The following STRN variants were observed in gnomAD, a reference collection of about 807,000 sequenced individuals.
The protein encoded by STRN is protein phosphatase 2 regulatory subunit B'''alpha.
In STRN, 53 loss-of-function variants were observed where a neutral mutation model predicts 96.3. That is an observed-to-expected ratio of 0.55 (90% CI 0.44 to 0.69). The LOEUF is 0.69. Ranked by LOEUF, STRN falls within the 30% of genes least tolerant of loss-of-function variation. The probability of loss-of-function intolerance (pLI) is 0.00; values close to 1 mark genes in which losing one functional copy is unlikely to be tolerated. For missense variants in STRN, 987 were observed against 963.9 expected, an observed-to-expected ratio of 1.02 and a Z score of -0.32; for synonymous variants, 428 against 355.9, an observed-to-expected ratio of 1.20 and a Z score of -2.28.
chr2:36,935,613 T>G (rs1385851487), intron 1 of STRN, among the ~76,000 whole-genome samples: 2 of 152,236 alleles, frequency 1.3e-5, no homozygotes, highest in Non-Finnish European at 2.9e-5. Flanking sequence ...GCCTACTAAG[T>G]GCTTCCCACT....
chr2:36,877,151 A>C (rs1258709171), intron 10 of STRN, among the ~76,000 whole-genome samples: 2 of 152,222 alleles, frequency 1.3e-5, no homozygotes, highest in Non-Finnish European at 2.9e-5. Flanking sequence ...GGTCAGCCTT[A>C]ACATCTGGAA....
intron 8 of STRN, 41 bp downstream of exon 8, chr2:36,886,674 AG>A: frequency 6.8e-7 from 1 of 1,476,630 alleles, no homozygotes; most frequent in Non-Finnish European, 9.2e-7. Flanking sequence ...GGATGTAAAG[AG>A]GCAAGATTTA....
At chr2:36,966,111 G>C in intron 1 of STRN, 119 bp downstream of exon 1, 2 of 1,210,844 alleles carry the variant, frequency 1.7e-6, no homozygotes, top group Non-Finnish European at 2.2e-6. Flanking sequence ...CGGGTGGGAT[G>C]GGCGGCAGCA....
chr2:36,917,897 T>A (rs1472476614), intron 2 of STRN, among the ~76,000 whole-genome samples: 2 of 152,212 alleles, frequency 1.3e-5, no homozygotes, highest in Non-Finnish European at 2.9e-5. Context: ...CAAAATACTA[T>A]GTATGTCTCC....
intron 2 of STRN, among the ~76,000 whole-genome samples, chr2:36,918,546 C>T (rs1385499105): frequency 6.6e-6 from 1 of 151,568 alleles, no homozygotes; most frequent in Non-Finnish European, 1.5e-5. Flanking sequence ...TACAACAGAA[C>T]CTACAAAAAG....
chr2:36,906,094 C>T (rs1572664197), intron 3 of STRN, among the ~76,000 whole-genome samples: 1 of 152,200 alleles, frequency 6.6e-6, no homozygotes, highest in Non-Finnish European at 1.5e-5. Flanking sequence ...GACTAGTACA[C>T]ATTGCATGCC....
At chr2:36,924,256 T>G (rs1303439761) in intron 2 of STRN, among the ~76,000 whole-genome samples, 5 of 149,250 alleles carry the variant, frequency 3.4e-5, no homozygotes. Context: ...CTTGGGAGGC[T>G]GAGGCAGGAG....
rs928270190 is a variant in STRN, at chr2:36,842,947, A to G, written c.*6509T>C. Among the ~76,000 whole-genome samples, 1 of 152,074 alleles carries G rather than the reference A, an allele frequency of 6.6e-6. No individual in the cohort carries two copies. The highest frequency in any genetic ancestry group is 1.9e-4 in the East Asian group (1 of 5,194). On this transcript the variant is annotated 3_prime_UTR_variant, in exon 18 of 18. Coordinates refer to ENST00000263918, the MANE Select transcript of STRN (RefSeq NM_003162.4). ...TTCTGGGAATATTTTATGTGCCAGGACAATGCTGGGGCCCTGCAAAACATC... is the reference window on the plus strand; with the variant it reads ...TTCTGGGAATATTTTATGTGCCAGGGCAATGCTGGGGCCCTGCAAAACATC...
intron 1 of STRN, among the ~76,000 whole-genome samples, chr2:36,931,080 C>T (rs1241805988): frequency 3.3e-5 from 5 of 151,900 alleles, no homozygotes; most frequent in African/African-American, 1.2e-4. Flanking sequence ...AGAACCCTAC[C>T]TCTTTTTTTT....
chr2:36,896,813 A>G (rs543530533), intron 6 of STRN, among the ~76,000 whole-genome samples: 1 of 152,214 alleles, frequency 6.6e-6, no homozygotes, highest in Non-Finnish European at 1.5e-5. Flanking sequence ...ACATGCATGT[A>G]TAATCTCAGA....
intron 2 of STRN, among the ~76,000 whole-genome samples, chr2:36,922,926 G>A (rs144879434): frequency 0.019 from 2,818 of 151,270 alleles, 29 homozygotes; most frequent in Non-Finnish European, 0.021. Flanking sequence ...GGCGGATCAC[G>A]AAGTCAAGAG....
At chr2:36,876,366 G>C (rs1030773937) in intron 10 of STRN, among the ~76,000 whole-genome samples, 1 of 152,038 alleles carries the variant, frequency 6.6e-6, no homozygotes, top group Admixed American at 6.6e-5. Context: ...TATTGTAGTA[G>C]CTCTGGCTAA....
Position 36,896,451 on chromosome 2 carries a change from AG to A in STRN, c.796-2419del, listed in dbSNP as rs551967768. ...TGGAGAACAGGATCAGAATCGGAAG[AG>A]GTAGAGTTTGTAATAATAAGCATGT... On this transcript the variant is annotated intron_variant, in intron 6 of 17. Coordinates refer to ENST00000263918, the MANE Select transcript of STRN (RefSeq NM_003162.4). Among the ~76,000 whole-genome samples the A allele has an allele frequency of 1.8e-4, 28 of 152,332 alleles. No homozygotes were observed. The East Asian group carries it at 5.0e-3, about 27-fold the overall frequency.
intron 12 of STRN, among the ~76,000 whole-genome samples, chr2:36,864,650 A>C (rs1308359126): frequency 6.6e-6 from 1 of 152,236 alleles, no homozygotes; most frequent in Non-Finnish European, 1.5e-5. Context: ...TTTTGGTATC[A>C]GGATGATGCT....
intron 2 of STRN, among the ~76,000 whole-genome samples, chr2:36,920,051 T>A (rs1422381404): frequency 6.7e-6 from 1 of 149,830 alleles, no homozygotes. Context: ...TCATGTAAAA[T>A]CATGATCTTT....
intron 12 of STRN, among the ~76,000 whole-genome samples, chr2:36,862,803 T>A (rs941179578): frequency 3.3e-5 from 5 of 151,860 alleles, no homozygotes; most frequent in Non-Finnish European, 5.9e-5. Flanking sequence ...GGCGCGATCT[T>A]GGCTCACTGC....
At chr2:36,940,852 A>C (rs1314046719) in intron 1 of STRN, among the ~76,000 whole-genome samples, 1 of 139,392 alleles carries the variant, frequency 7.2e-6, no homozygotes, top group African/African-American at 2.8e-5. Context: ...AAAAAAAAAA[A>C]AAAAAAAAAA....
At position 36,899,658 on chromosome 2, in the gene STRN, T is replaced by C; in HGVS notation, c.660A>G (p.Ala220=). Residue 220 remains alanine, a splice_region_variant and synonymous_variant, in exon 6 of 18, where the codon GCA becomes GCG. Coordinates refer to ENST00000263918, the MANE Select transcript of STRN (RefSeq NM_003162.4). ...EAEVKETAMI[A]KSELTDSASV... ...AGGCAGAATCTGTTAACTCAGATTTTCTGGTGTAAAACATGTATATCCTGC... is the reference window on the plus strand; with the variant it reads ...AGGCAGAATCTGTTAACTCAGATTTCCTGGTGTAAAACATGTATATCCTGC... The C allele has an allele frequency of 6.2e-7, 1 of 1,605,028 alleles. No individual in the cohort carries two copies.
intron 3 of STRN, among the ~76,000 whole-genome samples, chr2:36,913,151 C>A (rs867007874): frequency 2.6e-5 from 4 of 152,168 alleles, no homozygotes; most frequent in Non-Finnish European, 5.9e-5. Flanking sequence ...CCTCTCTAAT[C>A]CATCTTCCAC....
Sources: gnomAD v4.1 joint callset for allele counts (sites outside exome capture counted in the v4.1 genomes callset) on GRCh38, gnomAD v4.1.1 for gene constraint, MANE v1.5 for transcripts, NCBI Gene and HGNC (gene_info 2026-07-23, HGNC 2026-07-21) for gene names.